ATE1: variants seen among roughly 807,000 people sequenced by gnomAD.
ATE1 encodes the protein arginyltransferase 1.
In ATE1, 36 loss-of-function variants were observed where a neutral mutation model predicts 70.5. That is an observed-to-expected ratio of 0.51 (90% CI 0.39 to 0.67). The LOEUF is 0.67. Ranked by LOEUF, ATE1 falls within the 30% of genes least tolerant of loss-of-function variation. ATE1 has a pLI of 0.00. For synonymous variants in ATE1, 232 were observed against 219.3 expected (o/e 1.06, Z -0.51); for missense variants, 593 against 629.5 (o/e 0.94, Z 0.62).
intron 7 of ATE1, among the ~76,000 whole-genome samples, chr10:121,872,141 T>C (rs1949883496): frequency 6.7e-6 from 1 of 149,546 alleles, no homozygotes; most frequent in Non-Finnish European, 1.5e-5. Context: ...TTTGAATTTA[T>C]AAGCAAGTCA....
chr10:121,851,004 T>C (rs1290281688), intron 8 of ATE1, among the ~76,000 whole-genome samples: 6 of 132,946 alleles, frequency 4.5e-5, no homozygotes, highest in Non-Finnish European at 9.2e-5. Flanking sequence ...GGCAGGAGAA[T>C]GGCGTGAACC....
intron 7 of ATE1, among the ~76,000 whole-genome samples, chr10:121,884,406 G>A (rs1439761137): frequency 1.3e-5 from 2 of 151,868 alleles, no homozygotes; most frequent in Admixed American, 1.3e-4. Flanking sequence ...TCAAGACCAG[G>A]CTGGGCAACA....
intron 10 of ATE1, among the ~76,000 whole-genome samples, chr10:121,802,247 C>T (rs966456898): frequency 6.6e-6 from 1 of 152,144 alleles, no homozygotes; most frequent in Non-Finnish European, 1.5e-5. Flanking sequence ...AACTCACTCA[C>T]CCCGGGGTAC....
intron 11 of ATE1, among the ~76,000 whole-genome samples, chr10:121,748,332 C>G (rs181070178): frequency 6.6e-6 from 1 of 152,138 alleles, no homozygotes; most frequent in Admixed American, 6.5e-5. Flanking sequence ...TATGAAAAAC[C>G]CTACCATTAT....
chr10:121,926,492 T>C (rs1952096087), intron 1 of ATE1, among the ~76,000 whole-genome samples: 1 of 152,224 alleles, frequency 6.6e-6, no homozygotes, highest in Admixed American at 6.5e-5. Context: ...AAATTGATGA[T>C]TATTTTCTCT....
intron 10 of ATE1, among the ~76,000 whole-genome samples, chr10:121,796,525 G>A (rs1470879930): frequency 2.0e-5 from 3 of 152,108 alleles, no homozygotes; most frequent in South Asian, 2.1e-4. Flanking sequence ...ACCTATGCAC[G>A]TCTATATTTT....
chr10:121,883,360 T>C (rs992405359), intron 7 of ATE1, among the ~76,000 whole-genome samples: 1 of 152,150 alleles, frequency 6.6e-6, no homozygotes, highest in Non-Finnish European at 1.5e-5. Flanking sequence ...CGACAGTACT[T>C]AGGTGCTCCA....
chr10:121,808,767 A>C (rs1590355711), intron 10 of ATE1, among the ~76,000 whole-genome samples: 1 of 152,210 alleles, frequency 6.6e-6, no homozygotes, highest in East Asian at 1.9e-4. Context: ...TGGGAAAGGA[A>C]GCAGTACTTA....
At chr10:121,870,463 G>C (rs982093442) in intron 7 of ATE1, among the ~76,000 whole-genome samples, 1 of 151,022 alleles carries the variant, frequency 6.6e-6, no homozygotes, top group Admixed American at 6.7e-5. Context: ...AACAAAAGGG[G>C]AGAGGAAAGA....
chr10:121,928,048 A>C (rs967634594), upstream of ATE1: 11 of 1,220,036 alleles, frequency 9.0e-6, no homozygotes, highest in East Asian at 3.2e-4. Flanking sequence ...GAGCCTCCCG[A>C]GGCTCGCGCG....
Position 121,854,620 on chromosome 10 carries a change from T to G in ATE1, c.976-13357A>C, listed in dbSNP as rs1949177504. Among the ~76,000 whole-genome samples, 3 of 152,308 alleles carry G rather than the reference T, an allele frequency of 2.0e-5. No homozygotes were observed. The South Asian group carries it at 6.2e-4, about 32-fold the overall frequency. On this transcript the variant is annotated intron_variant, in intron 8 of 11. Transcript: ENST00000224652. The stretch of plus-strand genomic sequence containing the variant: ...TCTGCTTCTCCACTAAGTTTGTGCC[T>G]TTGTGTTTCTGATTCACTCGTGACC...
rs190193187 is a variant in ATE1 at position 121,759,983 on chromosome 10, C to T, written c.1379-16125G>A. ...CTTAAGAATTATGGTAAATTTTGTGCTTTATAAATGGAACAACAAAGCCTA... is the reference window on the plus strand; with the variant it reads ...CTTAAGAATTATGGTAAATTTTGTGTTTTATAAATGGAACAACAAAGCCTA... On this transcript the variant is annotated intron_variant, in intron 11 of 11. Transcript: ENST00000224652. Among the ~76,000 whole-genome samples the T allele has an allele frequency of 2.3e-4, 33 of 144,882 alleles. 1 individual carries two copies. The East Asian group carries it at 7.7e-3, about 34-fold the overall frequency.
intron 5 of ATE1, among the ~76,000 whole-genome samples, chr10:121,904,909 A>T (rs924819769): frequency 6.6e-6 from 1 of 152,240 alleles, no homozygotes; most frequent in Admixed American, 6.5e-5. Context: ...TTTACTTATT[A>T]AAAAATGACT....
intron 7 of ATE1, among the ~76,000 whole-genome samples, chr10:121,871,740 GAAAGA>G (rs1949868407): frequency 6.6e-6 from 1 of 151,640 alleles, no homozygotes; most frequent in African/African-American, 2.4e-5. Flanking sequence ...AAAAAAAAAG[GAAAGA>G]AAAGAAAAAA....
intron 5 of ATE1, among the ~76,000 whole-genome samples, chr10:121,903,395 G>A (rs1951063592): frequency 6.6e-6 from 1 of 152,038 alleles, no homozygotes; most frequent in Non-Finnish European, 1.5e-5. Context: ...AACACTGACA[G>A]GTTTTTTTAA....
chr10:121,871,741 A>T (rs1949868318), intron 7 of ATE1, among the ~76,000 whole-genome samples: 1 of 152,138 alleles, frequency 6.6e-6, no homozygotes, highest in Non-Finnish European at 1.5e-5. Flanking sequence ...AAAAAAAAGG[A>T]AAGAAAAGAA....
intron 8 of ATE1, among the ~76,000 whole-genome samples, chr10:121,850,765 T>A (rs1949021065): frequency 6.6e-6 from 1 of 152,162 alleles, no homozygotes; most frequent in South Asian, 2.1e-4. Context: ...TTTCTGGCTA[T>A]TTGAACTAAG....
At chr10:121,775,044 T>C (rs960575413) in intron 11 of ATE1, among the ~76,000 whole-genome samples, 18 of 152,140 alleles carry the variant, frequency 1.2e-4, no homozygotes, top group South Asian at 4.1e-4. Context: ...GACAGTTACA[T>C]TGCAAAGAAA....
At chr10:121,928,399 CCT>C (rs1952193783), upstream of ATE1, 2 of 1,530,376 alleles carry the variant, frequency 1.3e-6, no homozygotes, top group Non-Finnish European at 1.8e-6. Flanking sequence ...GGTAGCCGGC[CCT>C]GAGGCCCTTG....
Sources: allele counts gnomAD v4.1 joint callset (sites outside exome capture counted in the v4.1 genomes callset), GRCh38; gene constraint gnomAD v4.1.1; transcripts MANE v1.5; gene names NCBI Gene and HGNC (gene_info 2026-07-23, HGNC 2026-07-21).